The following PDZRN4 variants were observed in gnomAD, a reference collection of about 807,000 sequenced individuals.
The protein encoded by PDZRN4 is PDZ domain containing ring finger 4.
Under a neutral mutation model 99.0 loss-of-function variants are expected in PDZRN4, and 70 were observed. The observed-to-expected ratio is 0.71, with a 90% CI of 0.58 to 0.86. The LOEUF (loss-of-function observed/expected upper bound fraction) is 0.86, where lower values mean the gene tolerates loss of function less well. PDZRN4 is among the 40% of genes least tolerant of loss of function. PDZRN4 has a pLI of 0.00. For synonymous variants in PDZRN4, 551 were observed against 501.6 expected (o/e 1.10, Z -1.32); for missense variants, 1,474 against 1,331.2 (o/e 1.11, Z -1.67).
intron 3 of PDZRN4, among the ~76,000 whole-genome samples, chr12:41,376,902 G>A (rs939768010): frequency 9.2e-5 from 14 of 152,078 alleles, no homozygotes; most frequent in Non-Finnish European, 1.6e-4. Flanking sequence ...GTTAAATTTT[G>A]CGAGTTGTGT....
At chr12:41,346,138 C>T (rs1951852736) in intron 3 of PDZRN4, among the ~76,000 whole-genome samples, 1 of 152,214 alleles carries the variant, frequency 6.6e-6, no homozygotes, top group East Asian at 1.9e-4. Flanking sequence ...TGTGCGCATC[C>T]CCTGAAAAGG....
At chr12:41,232,197 C>G (rs1415369971) in intron 3 of PDZRN4, among the ~76,000 whole-genome samples, 1 of 151,854 alleles carries the variant, frequency 6.6e-6, no homozygotes, top group Non-Finnish European at 1.5e-5. Context: ...AATTTAGATT[C>G]CTAAGTTTTA....
At chr12:41,374,076 G>T (rs1392125098) in intron 3 of PDZRN4, among the ~76,000 whole-genome samples, 3 of 152,124 alleles carry the variant, frequency 2.0e-5, no homozygotes, top group Non-Finnish European at 4.4e-5. Flanking sequence ...ACACAAGGGA[G>T]ACAGCGCTGG....
intron 3 of PDZRN4, among the ~76,000 whole-genome samples, chr12:41,202,936 T>A (rs1369516564): frequency 6.6e-6 from 1 of 152,074 alleles, no homozygotes; most frequent in Non-Finnish European, 1.5e-5. Flanking sequence ...GGTGATTTGA[T>A]GTTTTATTTG....
At chr12:41,300,976 G>A (rs1357812221) in intron 3 of PDZRN4, among the ~76,000 whole-genome samples, 1 of 151,954 alleles carries the variant, frequency 6.6e-6, no homozygotes, top group Non-Finnish European at 1.5e-5. Context: ...AGGGGTTGTT[G>A]TTATTTTTAA....
rs767405470 is a variant in PDZRN4, at chr12:41,358,260, T to C, written c.844-148196T>C. On this transcript the variant is annotated intron_variant, in intron 3 of 9. Transcript: ENST00000402685. ...TAACAGCAGCCACCCCAACTAGTTATGTATGCTGAAATGAAGAATTACATT... is the reference window on the plus strand; with the variant it reads ...TAACAGCAGCCACCCCAACTAGTTACGTATGCTGAAATGAAGAATTACATT... Among the ~76,000 whole-genome samples the C allele has an allele frequency of 5.3e-4, 80 of 151,980 alleles. 1 individual carries two copies. The highest frequency in any genetic ancestry group is 3.2e-3 in the Middle Eastern group (1 of 316).
At position 41,262,675 on chromosome 12, in the gene PDZRN4, G is replaced by A. The variant is rs1951248661; in HGVS notation, c.843+68487G>A. Among the ~76,000 whole-genome samples the A allele has an allele frequency of 2.6e-5, 4 of 152,106 alleles. No individual in the cohort carries two copies. In the South Asian group the frequency reaches 8.3e-4, roughly 32 times the overall value. On this transcript the variant is annotated intron_variant, in intron 3 of 9. Transcript: ENST00000402685. The stretch of plus-strand genomic sequence containing the variant: ...GCTATTGGTTAATAAACACCATTAA[G>A]TAAAACTATAGAAGTGATCACTGAC...
chr12:41,491,116 A>G (rs894486532), intron 3 of PDZRN4, among the ~76,000 whole-genome samples: 1 of 152,130 alleles, frequency 6.6e-6, no homozygotes, highest in Admixed American at 6.6e-5. Context: ...ACACGTACAT[A>G]CTGCATGCCC....
chr12:41,493,757 T>C (rs1441785834), intron 3 of PDZRN4, among the ~76,000 whole-genome samples: 1 of 152,098 alleles, frequency 6.6e-6, no homozygotes, highest in Non-Finnish European at 1.5e-5. Flanking sequence ...CTTGGAACTT[T>C]GTCCTATCTT....
At position 41,188,981 on chromosome 12, in the gene PDZRN4, G is replaced by A. The variant is rs1376188443; in HGVS notation, c.526G>A (p.Ala176Thr). ...AWRRREKALL[A>T]QLWALQGEVQ... is the part of the protein sequence containing the mutation. ...GAGGCGGCGCGAGAAGGCGCTGCTG[G>A]CGCAGCTCTGGGCGCTGCAGGGCGA... Residue 176 changes from alanine to threonine, a missense_variant, in exon 1 of 10, where the codon GCG becomes ACG. Coordinates refer to ENST00000402685, the MANE Select transcript of PDZRN4 (RefSeq NM_001164595.2). 6.7e-7 allele frequency: 1 copy of A among 1,500,166 alleles called. No individual in the cohort carries two copies. The highest frequency in any genetic ancestry group is 2.1e-5 in the Admixed American group (1 of 48,006). 92.9% of individuals were successfully genotyped at this position (1,500,166 alleles called of 1,614,324 possible).
rs143584173 is a variant in PDZRN4 at position 41,359,095 on chromosome 12, T to G, written c.844-147361T>G. The stretch of plus-strand genomic sequence containing the variant: ...TGGGTGACTTACCGCAAGTCTTTCC[T>G]TCTCTCTGGCCTTTACATTTCTCGT... On this transcript the variant is annotated intron_variant, in intron 3 of 9. Transcript: ENST00000402685. Among the ~76,000 whole-genome samples, 762 of 152,168 alleles carry G rather than the reference T, an allele frequency of 5.0e-3. 8 individuals carry two copies. The highest frequency in any genetic ancestry group is 0.017 in the African/African-American group (724 of 41,554).
In PDZRN4 at chr12:41,194,101, G is replaced by C. The variant is rs533932703; in HGVS notation, c.756G>C (p.Ser252=). 6.6e-7 allele frequency: 1 copy of C among 1,522,886 alleles called. No homozygotes were observed. Among genetic ancestry groups the C allele is most frequent in the East Asian group, 2.2e-5 (1 of 44,486 alleles). 94.3% of individuals were successfully genotyped at this position (1,522,886 alleles called of 1,614,324 possible). ...RPNQNNQEGT[S]TEGIYVSKIL... Reference sequence around the variant, plus strand: ...AATAGAATAATCAGGAAGGAACATCGACTGAAGGAATTTACGTTTCAAAAA... The same window carrying C: ...AATAGAATAATCAGGAAGGAACATCCACTGAAGGAATTTACGTTTCAAAAA... Residue 252 remains serine (S), a synonymous_variant, in exon 3 of 10, where the codon TCG becomes TCC. Transcript: ENST00000402685.
intron 3 of PDZRN4, among the ~76,000 whole-genome samples, chr12:41,493,902 G>T (rs539171090): frequency 5.7e-5 from 4 of 69,896 alleles, no homozygotes; most frequent in Admixed American, 2.9e-4. Flanking sequence ...AAAAAATAAT[G>T]GGGGGGGGGA....
chr12:41,256,088 T>G (rs1951202989), intron 3 of PDZRN4, among the ~76,000 whole-genome samples: 1 of 152,254 alleles, frequency 6.6e-6, no homozygotes, highest in South Asian at 2.1e-4. Context: ...GAAAGACTAT[T>G]AAGAAAATAA....
intron 3 of PDZRN4, among the ~76,000 whole-genome samples, chr12:41,374,465 C>T (rs928634764): frequency 3.3e-5 from 5 of 152,116 alleles, no homozygotes; most frequent in African/African-American, 1.2e-4. Flanking sequence ...TCTTGTCCCA[C>T]TCTGTCTCAG....
At chr12:41,495,449 A>G (rs956949807) in intron 3 of PDZRN4, among the ~76,000 whole-genome samples, 2 of 152,072 alleles carry the variant, frequency 1.3e-5, no homozygotes, top group African/African-American at 4.8e-5. Context: ...ATCTGAATCC[A>G]TGGGGCCCAC....
chr12:41,215,005 G>A (rs1239534448), intron 3 of PDZRN4, among the ~76,000 whole-genome samples: 2 of 152,080 alleles, frequency 1.3e-5, no homozygotes, highest in African/African-American at 4.8e-5. Flanking sequence ...ATATATTTGT[G>A]AAATTAAGAG....
rs538997031 is a variant in PDZRN4 at position 41,531,666 on chromosome 12, C to T, written c.1204-20990C>T. On this transcript the variant is annotated intron_variant, in intron 5 of 9. Coordinates refer to ENST00000402685, the MANE Select transcript of PDZRN4 (RefSeq NM_001164595.2). Reference sequence around the variant, plus strand: ...ACCTTCCCTCCCCAGCACTTCCCTTCCCCACTTCCTTATCATTTAAAGGGA... The same window carrying T: ...ACCTTCCCTCCCCAGCACTTCCCTTTCCCACTTCCTTATCATTTAAAGGGA... 7.3e-4 allele frequency among the ~76,000 whole-genome samples: 111 copies of T among 152,296 alleles called. 1 individual carries two copies. The highest frequency in any genetic ancestry group is 2.7e-3 in the South Asian group (13 of 4,826).
At position 41,284,695 on chromosome 12, in the gene PDZRN4, A is replaced by G. The variant is rs1429886129; in HGVS notation, c.843+90507A>G. On this transcript the variant is annotated intron_variant, in intron 3 of 9. Transcript: ENST00000402685. ...ATGACACAGAACAGAAGCCTCAGAA[A>G]TAATGCCACACACCTAAAACCATCT... is the stretch of plus-strand genomic sequence containing the variant. Among the ~76,000 whole-genome samples the G allele has an allele frequency of 3.9e-5, 6 of 152,206 alleles. 1 individual carries two copies.
Sources: gnomAD v4.1 joint callset for allele counts (sites outside exome capture counted in the v4.1 genomes callset) on GRCh38, gnomAD v4.1.1 for gene constraint, MANE v1.5 for transcripts, NCBI Gene and HGNC (gene_info 2026-07-23, HGNC 2026-07-21) for gene names.